Variants in TIPARP observed in about 807,000 individuals in gnomAD.
TIPARP encodes TCDD inducible poly(ADP-ribose) polymerase.
TIPARP carries 12 observed loss-of-function variants against 56.5 expected under a neutral mutation model. That is an observed-to-expected ratio of 0.21 (90% CI 0.14 to 0.34). TIPARP has a LOEUF of 0.34. Among genes scored for constraint, TIPARP ranks in the 10% least tolerant of loss-of-function variants. The pLI is 1.00. For missense variants in TIPARP, 604 were observed against 781.6 expected, an observed-to-expected ratio of 0.77 and a Z score of 2.71; for synonymous variants, 296 against 265.7, an observed-to-expected ratio of 1.11 and a Z score of -1.11.
intron 1 of TIPARP, among the ~76,000 whole-genome samples, chr3:156,677,344 C>T (rs1260260819): frequency 1.3e-5 from 2 of 152,294 alleles, no homozygotes; most frequent in South Asian, 2.1e-4. Context: ...TTTCCCACCC[C>T]ACTCTAACCT....
chr3:156,680,542 A>G (rs1364800688), intron 2 of TIPARP, among the ~76,000 whole-genome samples: 1 of 152,188 alleles, frequency 6.6e-6, no homozygotes, highest in Non-Finnish European at 1.5e-5. Context: ...TCTGCTGAGT[A>G]CTTCAGCATC....
At chr3:156,695,733 G>A in intron 3 of TIPARP, 132 bp from the exon 4 acceptor site, 1 of 1,248,988 alleles carries the variant, frequency 8.0e-7, no homozygotes. Flanking sequence ...TATAAAGGGA[G>A]TTATTTAGAC....
intron 2 of TIPARP, among the ~76,000 whole-genome samples, chr3:156,688,221 C>G (rs1722476590): frequency 1.3e-5 from 2 of 151,678 alleles, no homozygotes; most frequent in Non-Finnish European, 2.9e-5. Context: ...CAGAAAAATA[C>G]AAAAATTAGC....
At chr3:156,701,005 G>A (rs913174622) in intron 4 of TIPARP, among the ~76,000 whole-genome samples, 5 of 152,184 alleles carry the variant, frequency 3.3e-5, no homozygotes, top group Non-Finnish European at 7.3e-5. Flanking sequence ...ATTTGTAACT[G>A]CGCTTGAAAC....
At chr3:156,704,557 C>A in intron 5 of TIPARP, 127 bp from the exon 6 acceptor site, 1 of 930,264 alleles carries the variant, frequency 1.1e-6, no homozygotes, top group Non-Finnish European at 1.6e-6. Flanking sequence ...TTAATAGGAT[C>A]TTTGATGGCA....
At chr3:156,682,378 A>C (rs1722330576) in intron 2 of TIPARP, among the ~76,000 whole-genome samples, 2 of 152,262 alleles carry the variant, frequency 1.3e-5, no homozygotes, top group South Asian at 4.1e-4. Flanking sequence ...AGGGAGCTTT[A>C]GTTGCTTTAA....
At chr3:156,693,002 T>C (rs1722615353) in intron 2 of TIPARP, among the ~76,000 whole-genome samples, 3 of 152,172 alleles carry the variant, frequency 2.0e-5, no homozygotes, top group African/African-American at 7.2e-5. Flanking sequence ...ACACCTAGAC[T>C]TCACATGTAC....
chr3:156,686,095 C>G (rs907545064), intron 2 of TIPARP, among the ~76,000 whole-genome samples: 1 of 152,144 alleles, frequency 6.6e-6, no homozygotes, highest in African/African-American at 2.4e-5. Flanking sequence ...GAAAGACATC[C>G]TTGAATCTGT....
intron 2 of TIPARP, 139 bp from the exon 3 acceptor site, chr3:156,693,881 C>G (rs1024600299): frequency 2.6e-5 from 26 of 989,590 alleles, no homozygotes; most frequent in Non-Finnish European, 3.5e-5. Flanking sequence ...TATGCTTTTA[C>G]TCCAAGTAAA....
intron 2 of TIPARP, among the ~76,000 whole-genome samples, chr3:156,687,791 C>T (rs953684701): frequency 1.3e-5 from 2 of 152,118 alleles, no homozygotes; most frequent in Admixed American, 1.3e-4. Flanking sequence ...AGATGTCTAA[C>T]GATTTATGAA....
chr3:156,687,276 A>G (rs1380442563), intron 2 of TIPARP, among the ~76,000 whole-genome samples: 1 of 152,196 alleles, frequency 6.6e-6, no homozygotes, highest in African/African-American at 2.4e-5. Flanking sequence ...CATTTCTGGT[A>G]CCTTCATGAT....
At position 156,678,405 on chromosome 3, in the gene TIPARP, A is replaced by G. The variant is rs907718834; in HGVS notation, c.708A>G (p.Gln236=). 9 of 1,614,098 alleles carry G rather than the reference A, an allele frequency of 5.6e-6. No individual in the cohort carries two copies. Among genetic ancestry groups the G allele is most frequent in the Non-Finnish European group, 5.9e-6 (7 of 1,180,030 alleles). The part of the protein sequence containing the change: ...LVNQLQYHTH[Q]ENGIEICMDF... ...ACCAGTTGCAGTACCACACTCACCAAGAGAACGGAATTGAAATTTGCATGG... is the reference window on the plus strand; with the variant it reads ...ACCAGTTGCAGTACCACACTCACCAGGAGAACGGAATTGAAATTTGCATGG... The change falls in exon 2 of 6, where the codon CAA becomes CAG. Residue 236 remains glutamine, a synonymous_variant. Transcript: ENST00000295924.
chr3:156,697,923 CCTTAA>C (rs1294142849), intron 4 of TIPARP, among the ~76,000 whole-genome samples: 1 of 152,094 alleles, frequency 6.6e-6, no homozygotes, highest in Non-Finnish European at 1.5e-5. Flanking sequence ...GCCTCTTGTG[CCTTAA>C]CATTAGCCAA....
rs537998746 is a variant in TIPARP at position 156,696,061 on chromosome 3, C to T, written c.1247+36C>T. 8.8e-6 allele frequency: 14 copies of T among 1,586,112 alleles called. No individual in the cohort carries two copies. In the East Asian group the frequency reaches 3.0e-4, roughly 34 times the overall value. ...AGTATGAAGTTGCAATATTTACTCT[C>T]ATTTTATGTAAATGCATTCCTGAAT... is the stretch of plus-strand genomic sequence containing the variant. On this transcript the variant is annotated intron_variant, in intron 4 of 5. Transcript: ENST00000295924.
At chr3:156,699,985 A>G (rs1373584921) in intron 4 of TIPARP, among the ~76,000 whole-genome samples, 2 of 152,220 alleles carry the variant, frequency 1.3e-5, no homozygotes, top group Non-Finnish European at 2.9e-5. Flanking sequence ...TCCAAAAAGC[A>G]TATTTTAGAA....
At chr3:156,693,625 G>A (rs1445516042) in intron 2 of TIPARP, among the ~76,000 whole-genome samples, 1 of 152,148 alleles carries the variant, frequency 6.6e-6, no homozygotes, top group African/African-American at 2.4e-5. Context: ...TGAAAAAAAG[G>A]TCAAGCTTGA....
In TIPARP at chr3:156,695,931, A is replaced by G. The variant is rs1380989916; in HGVS notation, c.1153A>G (p.Asn385Asp). ...GAAAGAGGTTCGATTTATGATGTGG[A>G]ATAACCACTACATCCTCCACAATTC... ...GLKEVRFMMW[N>D]NHYILHNSFF... is the part of the protein sequence containing the mutation. The change falls in exon 4 of 6, where the codon AAT becomes GAT. Residue 385 changes from asparagine to aspartate, a missense_variant. This residue lies in a region of TIPARP where 252 missense variants were observed against 303.9 expected (regional missense o/e 0.83). Transcript: ENST00000295924. 1 of 1,607,238 alleles carries G rather than the reference A, an allele frequency of 6.2e-7. No individual in the cohort carries two copies.
intron 5 of TIPARP, among the ~76,000 whole-genome samples, chr3:156,704,012 C>CAAAAA (rs11452301): frequency 8.2e-6 from 1 of 122,234 alleles, no homozygotes; most frequent in Non-Finnish European, 1.6e-5. Context: ...GACTCCGTCT[C>CAAAAA]AAAAAAAAAA....
intron 4 of TIPARP, among the ~76,000 whole-genome samples, chr3:156,701,401 C>T (rs1051843269): frequency 2.6e-5 from 4 of 152,168 alleles, no homozygotes; most frequent in African/African-American, 9.7e-5. Context: ...AGAGTGTTTG[C>T]AGAGAATCTT....
Sources: allele counts gnomAD v4.1 joint callset (sites outside exome capture counted in the v4.1 genomes callset), GRCh38; gene constraint gnomAD v4.1.1; regional missense constraint gnomAD v4.1.1; transcripts MANE v1.5; gene names NCBI Gene and HGNC (gene_info 2026-07-23, HGNC 2026-07-21).